TMEM131: variants seen among roughly 807,000 people sequenced by gnomAD.
The protein encoded by TMEM131 is transmembrane protein 131.
Under a neutral mutation model 211.6 loss-of-function variants are expected in TMEM131, and 66 were observed. The observed-to-expected ratio is 0.31, with a 90% CI of 0.26 to 0.38. The LOEUF (loss-of-function observed/expected upper bound fraction) is 0.38, where lower values mean the gene tolerates loss of function less well. TMEM131 is among the 10% of genes least tolerant of loss of function. TMEM131 has a pLI of 1.00. For synonymous variants in TMEM131, 844 were observed against 841.3 expected (o/e 1.00, Z -0.06); for missense variants, 2,036 against 2,299.3 (o/e 0.89, Z 2.34).
At chr2:97,978,044 G>A (rs142398480) in intron 1 of TMEM131, among the ~76,000 whole-genome samples, 1,823 of 152,136 alleles carry the variant, frequency 0.012, 40 homozygotes, top group African/African-American at 0.041. Context: ...CCGAGACTGC[G>A]CCACTGCACT....
chr2:97,811,093 A>C (rs1337029745), intron 18 of TMEM131, 35 bp downstream of exon 18: 1 of 1,436,144 alleles, frequency 7.0e-7, no homozygotes, highest in Non-Finnish European at 9.8e-7. Context: ...TATTCAGAAA[A>C]ACCCCACTGC....
At chr2:97,939,028 A>G (rs1677585755) in intron 1 of TMEM131, among the ~76,000 whole-genome samples, 1 of 152,234 alleles carries the variant, frequency 6.6e-6, no homozygotes, top group Non-Finnish European at 1.5e-5. Flanking sequence ...CATTTAAAGC[A>G]GTGTGTAGAG....
chr2:97,970,917 C>T (rs1442584831), intron 1 of TMEM131, among the ~76,000 whole-genome samples: 2 of 152,214 alleles, frequency 1.3e-5, no homozygotes, highest in East Asian at 3.8e-4. Flanking sequence ...GACACTCAAC[C>T]ATTCTTGGAC....
intron 4 of TMEM131, among the ~76,000 whole-genome samples, chr2:97,883,627 T>A (rs1334063909): frequency 3.3e-5 from 5 of 152,180 alleles, no homozygotes; most frequent in African/African-American, 9.7e-5. Flanking sequence ...CCATTAGGAC[T>A]CTCTCTTGAG....
chr2:97,927,851 T>C (rs888512520), intron 1 of TMEM131, among the ~76,000 whole-genome samples: 28 of 152,190 alleles, frequency 1.8e-4, no homozygotes, highest in African/African-American at 6.8e-4. Flanking sequence ...CACTACAGTA[T>C]TATATTTCCC....
At chr2:97,838,426 C>CTTTTTTTTTTTTTTTTTTTT (rs753635047) in intron 7 of TMEM131, among the ~76,000 whole-genome samples, 5 of 89,092 alleles carry the variant, frequency 5.6e-5, no homozygotes, top group African/African-American at 2.1e-4. Flanking sequence ...TAAGCTTAAA[C>CTTTTTTTTTTTTTTTTTTTT]TTTTTTTTTT....
chr2:97,827,006 T>C (rs1238181738), intron 11 of TMEM131, among the ~76,000 whole-genome samples: 1 of 136,454 alleles, frequency 7.3e-6, no homozygotes, highest in South Asian at 2.2e-4. Context: ...GACAGGACGA[T>C]AGATGGTTCC....
chr2:97,964,511 C>A (rs897921689), intron 1 of TMEM131, among the ~76,000 whole-genome samples: 1 of 152,204 alleles, frequency 6.6e-6, no homozygotes, highest in African/African-American at 2.4e-5. Flanking sequence ...GCAAAAATCA[C>A]ATGCAACTAA....
chr2:97,824,204 C>T (rs1272513110), intron 11 of TMEM131, among the ~76,000 whole-genome samples: 4 of 152,242 alleles, frequency 2.6e-5, no homozygotes, highest in Non-Finnish European at 5.9e-5. Context: ...CACTGGAAGG[C>T]ACACTGCCCC....
intron 1 of TMEM131, among the ~76,000 whole-genome samples, chr2:97,989,277 C>CAAAAAAAAAAAAAAAAAAAAAAAAAAAA (rs768850056): frequency 9.6e-6 from 1 of 103,846 alleles, no homozygotes; most frequent in Non-Finnish European, 2.1e-5. Context: ...AAAAACAAAA[C>CAAAAAAAAAAAAAAAAAAAAAAAAAAAA]AAAAAAAAAA....
At chr2:97,982,732 T>C (rs1480960660) in intron 1 of TMEM131, among the ~76,000 whole-genome samples, 2 of 152,180 alleles carry the variant, frequency 1.3e-5, no homozygotes, top group Non-Finnish European at 2.9e-5. Context: ...GGGGAGATTA[T>C]CCCAGATTAG....
At chr2:97,863,567 A>G (rs1036598939) in intron 4 of TMEM131, among the ~76,000 whole-genome samples, 1 of 152,176 alleles carries the variant, frequency 6.6e-6, no homozygotes, top group African/African-American at 2.4e-5. Flanking sequence ...AAATCTAATA[A>G]CCTGGTTAAA....
intron 5 of TMEM131, among the ~76,000 whole-genome samples, chr2:97,846,721 A>C (rs1286567697): frequency 1.3e-5 from 2 of 151,974 alleles, no homozygotes; most frequent in Non-Finnish European, 2.9e-5. Context: ...TGTGTGGCCC[A>C]AGACAATTCT....
chr2:97,796,309 T>C lies in TMEM131; in HGVS notation c.3109A>G (p.Ser1037Gly). ...LQIHIETIEI[S>G]GYSCEGYGFK... ...CCATATCCTTCACATGAGTATCCAC[T>C]GATTTCAATGGTTTCTATGTGAATT... The change falls in exon 28 of 41, where the codon AGT (serine) becomes GGT (glycine). Residue 1037 changes from serine to glycine, a missense_variant. Around this residue, in one of 3 missense-constraint regions of TMEM131, gnomAD observed 1,623 missense variants for 1,805.9 expected, o/e 0.90. Coordinates refer to ENST00000186436, the MANE Select transcript of TMEM131 (RefSeq NM_015348.2). The C allele has an allele frequency of 6.4e-7, 1 of 1,560,570 alleles. No homozygotes were observed. Among genetic ancestry groups the C allele is most frequent in the East Asian group, 2.3e-5 (1 of 43,184 alleles).
intron 1 of TMEM131, among the ~76,000 whole-genome samples, chr2:97,979,820 T>G (rs886320522): frequency 5.3e-5 from 8 of 152,230 alleles, no homozygotes; most frequent in Non-Finnish European, 1.2e-4. Flanking sequence ...ACTTCTCCTT[T>G]GCATTCACAA....
At chr2:97,919,541 T>C (rs973631116) in intron 2 of TMEM131, among the ~76,000 whole-genome samples, 21 of 152,196 alleles carry the variant, frequency 1.4e-4, no homozygotes, top group Admixed American at 1.4e-3. Context: ...TCTTTTTCTC[T>C]AGTTGCTTTT....
intron 1 of TMEM131, among the ~76,000 whole-genome samples, chr2:97,986,188 G>A (rs1680020683): frequency 1.3e-5 from 2 of 152,268 alleles, no homozygotes; most frequent in South Asian, 4.1e-4. Flanking sequence ...TTAAAACAAC[G>A]TGACAACTTT....
At chr2:97,844,864 G>A (rs1013321815) in intron 5 of TMEM131, among the ~76,000 whole-genome samples, 4 of 152,016 alleles carry the variant, frequency 2.6e-5, no homozygotes, top group East Asian at 1.9e-4. Flanking sequence ...CTGAAATTGC[G>A]GTTCTGCCCT....
At chr2:97,938,705 C>T (rs889149337) in intron 1 of TMEM131, among the ~76,000 whole-genome samples, 1 of 152,166 alleles carries the variant, frequency 6.6e-6, no homozygotes, top group African/African-American at 2.4e-5. Flanking sequence ...AACTCTCCAC[C>T]CCAAATCAAC....
Sources: gnomAD v4.1 joint callset for allele counts (sites outside exome capture counted in the v4.1 genomes callset) on GRCh38, gnomAD v4.1.1 for gene constraint, gnomAD v4.1.1 regional missense constraint, MANE v1.5 for transcripts, NCBI Gene and HGNC (gene_info 2026-07-23, HGNC 2026-07-21) for gene names.